The following FBXW8 variants were observed in gnomAD, a reference collection of about 807,000 sequenced individuals.
FBXW8 encodes the protein F-box/WD repeat-containing protein 8.
In FBXW8, 57 loss-of-function variants were observed where a neutral mutation model predicts 65.3. The observed-to-expected ratio is 0.87, with a 90% CI of 0.71 to 1.09. The LOEUF (loss-of-function observed/expected upper bound fraction) is 1.09. Ranked by LOEUF, FBXW8 falls within the 50% of genes least tolerant of loss-of-function variation. FBXW8 has a pLI of 0.00. For missense variants in FBXW8, 777 were observed against 814.8 expected (o/e 0.95, Z 0.57); for synonymous variants, 308 against 330.2 (o/e 0.93, Z 0.73).
intron 2 of FBXW8, among the ~76,000 whole-genome samples, chr12:116,939,380 A>G (rs1436404641): frequency 3.3e-5 from 5 of 152,228 alleles, no homozygotes. Context: ...AGAGATGTGC[A>G]GCACATGCCA....
chr12:117,020,612 C>T (rs1954071270), intron 8 of FBXW8, among the ~76,000 whole-genome samples: 2 of 152,226 alleles, frequency 1.3e-5, no homozygotes, highest in South Asian at 4.1e-4. Context: ...TCCAGCCTAT[C>T]TCCCAAATTT....
Position 116,964,732 on chromosome 12 carries a change from G to A in FBXW8, c.713G>A (p.Arg238His), listed in dbSNP as rs758915610. The A allele has an allele frequency of 1.7e-5, 27 of 1,613,684 alleles. No individual in the cohort carries two copies. The highest frequency in any genetic ancestry group is 2.2e-5 in the East Asian group (1 of 44,882). Reference sequence around the variant, plus strand: ...GGGGATGTGAGAGTGTGGGACACCCGCACCTGGGACTACGTAGCCCCCTTC... The same window carrying A: ...GGGGATGTGAGAGTGTGGGACACCCACACCTGGGACTACGTAGCCCCCTTC... ...TSGDVRVWDT[R>H]TWDYVAPFLE... is the part of the protein sequence containing the mutation. The change falls in exon 5 of 11, where the codon CGC becomes CAC. Residue 238 changes from arginine (R) to histidine (H), a missense_variant. Physicochemically the swap from Arg to His is conservative, Grantham distance 29 (BLOSUM62 0). Transcript: ENST00000652555.
At chr12:116,976,386 TA>T (rs35871383) in intron 5 of FBXW8, among the ~76,000 whole-genome samples, 25,027 of 133,466 alleles carry the variant, frequency 0.19, 2,348 homozygotes, top group Middle Eastern at 0.32. Flanking sequence ...CCCTTTTCTT[TA>T]AAAAAAAAAA....
chr12:116,986,193 T>C (rs999271162), intron 6 of FBXW8: 4 of 152,202 alleles, frequency 2.6e-5, no homozygotes, highest in African/African-American at 9.7e-5. Context: ...CCTCTTTCTG[T>C]CTGTTGGGAA....
chr12:116,973,909 C>A (rs1349130849), intron 5 of FBXW8, among the ~76,000 whole-genome samples: 1 of 152,184 alleles, frequency 6.6e-6, no homozygotes, highest in Non-Finnish European at 1.5e-5. Context: ...GATGAAGTAA[C>A]AGGAACTGGA....
chr12:116,989,693 A>C (rs1014480028), intron 7 of FBXW8, among the ~76,000 whole-genome samples: 1 of 152,192 alleles, frequency 6.6e-6, no homozygotes, highest in South Asian at 2.1e-4. Flanking sequence ...AGGGGGAGAG[A>C]GAGAAAGTTT....
At chr12:116,995,736 T>TC (rs1953358237) in intron 7 of FBXW8, among the ~76,000 whole-genome samples, 1 of 152,196 alleles carries the variant, frequency 6.6e-6, no homozygotes, top group Non-Finnish European at 1.5e-5. Flanking sequence ...TCACAGGTAG[T>TC]CACTGCTAAG....
chr12:116,935,486 C>A (rs1347828882), intron 2 of FBXW8, among the ~76,000 whole-genome samples: 1 of 152,188 alleles, frequency 6.6e-6, no homozygotes, highest in Non-Finnish European at 1.5e-5. Context: ...TCACTTTCAC[C>A]CTTGCCGCCA....
At chr12:116,959,292 C>G (rs1883841544) in intron 4 of FBXW8, among the ~76,000 whole-genome samples, 1 of 152,132 alleles carries the variant, frequency 6.6e-6, no homozygotes. Flanking sequence ...ACAATAAATT[C>G]CTTATATTGC....
At chr12:116,924,983 C>T (rs1593043796) in intron 1 of FBXW8, among the ~76,000 whole-genome samples, 1 of 151,980 alleles carries the variant, frequency 6.6e-6, no homozygotes, top group East Asian at 1.9e-4. Flanking sequence ...GAGGAAGTAG[C>T]TTACCTAGAC....
intron 4 of FBXW8, among the ~76,000 whole-genome samples, chr12:116,958,086 G>A (rs936399639): frequency 4.6e-5 from 7 of 152,214 alleles, no homozygotes; most frequent in South Asian, 2.1e-4. Context: ...ATGGAAAACA[G>A]TTTTAAGTGT....
chr12:116,923,684 C>T (rs893176838), intron 1 of FBXW8, among the ~76,000 whole-genome samples: 13 of 151,168 alleles, frequency 8.6e-5, no homozygotes, highest in African/African-American at 2.4e-4. Flanking sequence ...CCACCACACC[C>T]GGCTAATTTT....
At chr12:116,947,729 A>C (rs1883020950) in intron 3 of FBXW8, among the ~76,000 whole-genome samples, 1 of 128,640 alleles carries the variant, frequency 7.8e-6, no homozygotes, top group Non-Finnish European at 1.7e-5. Context: ...ACAGAGCGAG[A>C]CTGTCTCAAA....
chr12:116,921,822 C>CTTTTTTTT (rs11449832), intron 1 of FBXW8, among the ~76,000 whole-genome samples: 1 of 99,346 alleles, frequency 1.0e-5, no homozygotes, highest in East Asian at 2.9e-4. Context: ...GTATTTCTGA[C>CTTTTTTTT]TTTTTTTTTT....
intron 8 of FBXW8, among the ~76,000 whole-genome samples, chr12:117,011,271 G>A (rs958959605): frequency 3.9e-5 from 6 of 152,154 alleles, no homozygotes; most frequent in Admixed American, 1.3e-4. Flanking sequence ...TCGGAGGCGG[G>A]TGTCAGATCG....
At chr12:116,934,412 C>G (rs1003653771) in intron 2 of FBXW8, among the ~76,000 whole-genome samples, 9 of 152,040 alleles carry the variant, frequency 5.9e-5, no homozygotes, top group African/African-American at 1.5e-4. Context: ...GGTTTGTAAT[C>G]TTGCTATTTA....
intron 7 of FBXW8, among the ~76,000 whole-genome samples, chr12:117,004,350 T>C (rs1358861653): frequency 6.6e-6 from 1 of 152,240 alleles, no homozygotes; most frequent in Admixed American, 6.5e-5. Flanking sequence ...CTCCTTGTTT[T>C]TCTGTCTCAC....
intron 1 of FBXW8, among the ~76,000 whole-genome samples, chr12:116,912,479 G>A (rs1485008977): frequency 1.5e-5 from 2 of 136,332 alleles, no homozygotes; most frequent in African/African-American, 5.6e-5. Flanking sequence ...TTTTGAGACG[G>A]AGTCTCGCTC....
In FBXW8 at chr12:116,949,673, A is replaced by G. The variant is rs749863935; in HGVS notation, c.644A>G (p.Asp215Gly). The part of the protein sequence containing the change: ...LEHVPDTVLC[D>G]VHSHDGVVIA... ...CATGTTCCTGACACAGTTTTGTGTG[A>G]TGTGCATTCTCACGATGGTGTGGTC... Residue 215 changes from aspartate (D) to glycine (G), a missense_variant, in exon 4 of 11, where the codon GAT becomes GGT. Transcript: ENST00000652555. 1.2e-5 allele frequency: 20 copies of G among 1,614,186 alleles called. No individual in the cohort carries two copies. The East Asian group carries it at 4.5e-4, about 36-fold the overall frequency.
Sources: allele counts gnomAD v4.1 joint callset (sites outside exome capture counted in the v4.1 genomes callset), GRCh38; gene constraint gnomAD v4.1.1; transcripts MANE v1.5; gene names NCBI Gene and HGNC (gene_info 2026-07-23, HGNC 2026-07-21).